The following SLC8A1 variants were observed in gnomAD, a reference collection of about 807,000 sequenced individuals.
SLC8A1 encodes solute carrier family 8 member A1.
SLC8A1 carries 18 observed loss-of-function variants against 68.3 expected under a neutral mutation model. The ratio of observed to expected loss-of-function variants is 0.26; its 90% CI spans 0.18 to 0.39. The LOEUF is 0.39. Among genes scored for constraint, SLC8A1 ranks in the 10% least tolerant of loss-of-function variants. The pLI, the probability that SLC8A1 is intolerant of heterozygous loss-of-function variation, is 1.00. For missense variants in SLC8A1, 985 were observed against 1,156.7 expected (o/e 0.85, Z 2.15); for synonymous variants, 475 against 415.5 (o/e 1.14, Z -1.74).
intron 6 of SLC8A1, among the ~76,000 whole-genome samples, chr2:40,159,311 C>T (rs907259483): frequency 2.0e-5 from 3 of 152,160 alleles, no homozygotes; most frequent in African/African-American, 7.2e-5. Flanking sequence ...CTGTCATGTG[C>T]CTTGCACCAA....
At chr2:40,220,332 T>G (rs1277212089) in intron 2 of SLC8A1, 1 of 152,174 alleles carries the variant, frequency 6.6e-6, no homozygotes, top group Non-Finnish European at 1.5e-5. Context: ...CTGACTTGGC[T>G]CTTTCACCTC....
intron 2 of SLC8A1, among the ~76,000 whole-genome samples, chr2:40,221,263 A>T (rs563182884): frequency 1.3e-5 from 2 of 152,354 alleles, no homozygotes; most frequent in East Asian, 3.9e-4. Flanking sequence ...ACACATAAAC[A>T]GAACCAATGG....
intron 1 of SLC8A1, among the ~76,000 whole-genome samples, chr2:40,479,374 A>T (rs1046282994): frequency 6.6e-6 from 1 of 152,202 alleles, no homozygotes; most frequent in Admixed American, 6.5e-5. Context: ...TAATTGTTCT[A>T]CTAGAGCTTG....
chr2:40,442,981 A>C (rs1051000256), intron 1 of SLC8A1, among the ~76,000 whole-genome samples: 1 of 152,050 alleles, frequency 6.6e-6, no homozygotes, highest in Non-Finnish European at 1.5e-5. Flanking sequence ...GGAAGCCATC[A>C]TCCTCAGCAA....
intron 2 of SLC8A1, among the ~76,000 whole-genome samples, chr2:40,184,180 C>T (rs1487051144): frequency 6.6e-6 from 1 of 152,012 alleles, no homozygotes; most frequent in African/African-American, 2.4e-5. Context: ...CTGTCTCAAT[C>T]AATCAATCAA....
intron 1 of SLC8A1, among the ~76,000 whole-genome samples, chr2:40,490,564 A>T (rs1286251117): frequency 6.6e-6 from 1 of 152,142 alleles, no homozygotes; most frequent in Non-Finnish European, 1.5e-5. Context: ...TCTTATATAC[A>T]TTTAAAATTT....
intron 2 of SLC8A1, among the ~76,000 whole-genome samples, chr2:40,247,646 A>T (rs1460974674): frequency 1.3e-5 from 2 of 152,150 alleles, no homozygotes; most frequent in Non-Finnish European, 2.9e-5. Flanking sequence ...TGCAGTTTAT[A>T]ACTCTATTTT....
At chr2:40,173,672 G>T (rs2047951705) in intron 4 of SLC8A1, among the ~76,000 whole-genome samples, 1 of 147,014 alleles carries the variant, frequency 6.8e-6, no homozygotes, top group Non-Finnish European at 1.5e-5. Flanking sequence ...TCAGAAATTT[G>T]AAGTATATTT....
At chr2:40,507,656 T>G (rs576559293) in intron 1 of SLC8A1, among the ~76,000 whole-genome samples, 2 of 152,184 alleles carry the variant, frequency 1.3e-5, no homozygotes, top group Admixed American at 1.3e-4. Flanking sequence ...CTTCCTCTTT[T>G]TACTAGTTGT....
chr2:40,309,954 C>G (rs1437820342), intron 2 of SLC8A1, among the ~76,000 whole-genome samples: 1 of 152,142 alleles, frequency 6.6e-6, no homozygotes, highest in African/African-American at 2.4e-5. Flanking sequence ...AAAAGAAACC[C>G]TGTACCAATA....
chr2:40,106,145 A>T (rs1408059013), exon 8 of SLC8A1: 2 of 152,224 alleles, frequency 1.3e-5, no homozygotes, highest in African/African-American at 4.8e-5. Flanking sequence ...TAAAGGTGAT[A>T]AGCAAATTTA....
At chr2:40,371,475 A>G (rs1179880307) in intron 2 of SLC8A1, among the ~76,000 whole-genome samples, 3 of 152,072 alleles carry the variant, frequency 2.0e-5, no homozygotes, top group African/African-American at 7.2e-5. Flanking sequence ...GCTTGACTAC[A>G]ATGTTACCAA....
chr2:40,246,687 A>G (rs1198080637), intron 2 of SLC8A1, among the ~76,000 whole-genome samples: 1 of 152,206 alleles, frequency 6.6e-6, no homozygotes, highest in Non-Finnish European at 1.5e-5. Context: ...TAATTCCAGA[A>G]GATGGATGGT....
At chr2:40,399,905 CGCCCG>C (rs1405613077) in intron 2 of SLC8A1, among the ~76,000 whole-genome samples, 2 of 152,070 alleles carry the variant, frequency 1.3e-5, no homozygotes, top group African/African-American at 4.8e-5. Flanking sequence ...ACAAGCAGAC[CGCCCG>C]GCGCCACACC....
intron 2 of SLC8A1, among the ~76,000 whole-genome samples, chr2:40,362,305 A>C (rs986734289): frequency 5.9e-5 from 9 of 152,156 alleles, no homozygotes; most frequent in African/African-American, 1.9e-4. Flanking sequence ...AAACTTAGAT[A>C]GATAGATTCC....
chr2:40,468,929 G>A (rs1336664140), intron 1 of SLC8A1, among the ~76,000 whole-genome samples: 2 of 151,862 alleles, frequency 1.3e-5, no homozygotes, highest in Non-Finnish European at 2.9e-5. Flanking sequence ...AATAAATAAA[G>A]AAAATCAAAA....
intron 6 of SLC8A1, among the ~76,000 whole-genome samples, chr2:40,151,943 T>C (rs2043519769): frequency 6.6e-6 from 1 of 152,212 alleles, no homozygotes; most frequent in Non-Finnish European, 1.5e-5. Context: ...GAGGCTCTGA[T>C]AAGAACTTTA....
chr2:40,326,581 T>C (rs1455036771), intron 2 of SLC8A1, among the ~76,000 whole-genome samples: 2 of 152,144 alleles, frequency 1.3e-5, no homozygotes, highest in African/African-American at 4.8e-5. Context: ...ACTATCCTCT[T>C]CCTCTCTTTC....
intron 2 of SLC8A1, among the ~76,000 whole-genome samples, chr2:40,281,126 A>G (rs998945617): frequency 6.6e-6 from 1 of 152,192 alleles, no homozygotes; most frequent in Non-Finnish European, 1.5e-5. Context: ...CCTGTGAAAC[A>G]TACTTCACCA....
Sources: gnomAD v4.1 joint callset for allele counts (sites outside exome capture counted in the v4.1 genomes callset) on GRCh38, gnomAD v4.1.1 for gene constraint, MANE v1.5 for transcripts, NCBI Gene and HGNC (gene_info 2026-07-23, HGNC 2026-07-21) for gene names.